IGFL4: variants seen among roughly 807,000 people sequenced by gnomAD.
The protein encoded by IGFL4 is insulin growth factor-like family member 4.
In IGFL4, 12 loss-of-function variants were observed where a neutral mutation model predicts 15.4. That is an observed-to-expected ratio of 0.78 (90% CI 0.50 to 1.26). The LOEUF is 1.26. IGFL4 is among the 50% of genes most tolerant of loss of function. The pLI, the probability that IGFL4 is intolerant of heterozygous loss-of-function variation, is 0.00. For synonymous variants in IGFL4, 54 were observed against 55.9 expected (o/e 0.97, Z 0.16); for missense variants, 126 against 147.8 (o/e 0.85, Z 0.76).
chr19:46,071,857 C>T (rs1395673720), intron 1 of IGFL4, among the ~76,000 whole-genome samples: 1 of 152,150 alleles, frequency 6.6e-6, no homozygotes, highest in African/African-American at 2.4e-5. Flanking sequence ...GAAACTCCAT[C>T]TCTACAAAAT....
Position 46,040,778 on chromosome 19 carries a change from A to C in IGFL4, c.19+166T>G, listed in dbSNP as rs374436322. 2.7e-5 allele frequency: 25 copies of C among 936,438 alleles called. 1 individual carries two copies. The highest frequency in any genetic ancestry group is 1.8e-4 in the African/African-American group (11 of 60,160). 58.0% of individuals were successfully genotyped at this position (936,438 alleles called of 1,614,324 possible). On this transcript the variant is annotated intron_variant, in intron 1 of 3. Coordinates refer to ENST00000377697, the MANE Select transcript of IGFL4 (RefSeq NM_001002923.3). The surrounding 1 kb of genome is among the most constrained non-coding windows in gnomAD (Gnocchi z 4.1). ...GAAAAGTTAAGCTTCTGGAATTTGC[A>C]GTTCAGGAGACAGATTACAATGCAG...
At chr19:46,048,071 T>G (rs1218115183) in intron 2 of IGFL4, among the ~76,000 whole-genome samples, 2 of 152,194 alleles carry the variant, frequency 1.3e-5, no homozygotes, top group East Asian at 1.9e-4. Flanking sequence ...TTATCCACCA[T>G]GACCACATTG....
At chr19:46,048,439 GAAAT>G (rs1345266722) in intron 2 of IGFL4, among the ~76,000 whole-genome samples, 1 of 152,084 alleles carries the variant, frequency 6.6e-6, no homozygotes, top group Admixed American at 6.6e-5. Flanking sequence ...GCTAGAGAAA[GAAAT>G]AAAGCGTATT....
chr19:46,068,617 G>A (rs1969516987), intron 1 of IGFL4, among the ~76,000 whole-genome samples: 1 of 152,158 alleles, frequency 6.6e-6, no homozygotes, highest in Non-Finnish European at 1.5e-5. Flanking sequence ...GGAGGGTGGT[G>A]CACACACAGA....
Position 46,040,300 on chromosome 19 carries a change from C to G in IGFL4, c.187G>C (p.Gly63Arg), listed in dbSNP as rs139381151. ...ILDLNQTRLC[G>R]SSCTFWPCFQ... is the part of the protein sequence containing the mutation. ...CAGGGCCAGAAGGTGCAGCTGGAGC[C>G]GCAGAGCCGGGTCTGGTTCAAGTCT... The change falls in exon 3 of 4, where the codon GGC (glycine) becomes CGC (arginine). Residue 63 changes from glycine (G) to arginine (R), a missense_variant. Transcript: ENST00000377697. This position sits in a 1 kb window ranked among gnomAD's most constrained non-coding sequence, Gnocchi z 4.1. 6.2e-7 allele frequency: 1 copy of G among 1,614,126 alleles called. No individual in the cohort carries two copies. Among genetic ancestry groups the G allele is most frequent in the Non-Finnish European group, 8.5e-7 (1 of 1,180,016 alleles).
intron 1 of IGFL4, among the ~76,000 whole-genome samples, chr19:46,076,017 G>C (rs1023759242): frequency 1.3e-5 from 2 of 152,268 alleles, no homozygotes; most frequent in Admixed American, 1.3e-4. Context: ...CCGGAAGTTT[G>C]AAAGTCCAAA....
chr19:46,040,568 G>A lies in IGFL4; in HGVS notation c.20C>T (p.Ala7Val). 1 of 1,613,978 alleles carries A rather than the reference G, an allele frequency of 6.2e-7. No homozygotes were observed. The highest frequency in any genetic ancestry group is 8.5e-7 in the Non-Finnish European group (1 of 1,180,028). MVPRIS[A>V]AIFIFELLGS... is the part of the protein sequence containing the mutation. ...CAAAAGTTCAAAAATGAAGATGGCA[G>A]CTGAGAAGCAGAAGGAGAGCGAGAA... is the stretch of plus-strand genomic sequence containing the variant. The change falls in exon 2 of 4, where the codon GCT becomes GTT. Residue 7 changes from alanine to valine, a missense_variant and splice_region_variant. By Grantham distance (64) the Ala-to-Val change is moderately conservative. Coordinates refer to ENST00000377697, the MANE Select transcript of IGFL4 (RefSeq NM_001002923.3). The surrounding 1 kb of genome is among the most constrained non-coding windows in gnomAD (Gnocchi z 4.1).
upstream of IGFL4, among the ~76,000 whole-genome samples, chr19:46,041,345 C>T (rs1969241194): frequency 6.6e-6 from 1 of 152,194 alleles, no homozygotes; most frequent in African/African-American, 2.4e-5. Context: ...CAAACACCGG[C>T]TGTCTCTAGG....
chr19:46,043,823 A>G (rs1251425442), upstream of IGFL4, among the ~76,000 whole-genome samples: 1 of 152,196 alleles, frequency 6.6e-6, no homozygotes, highest in Non-Finnish European at 1.5e-5. Context: ...TAAACTATAC[A>G]TTTTCTAGAA....
chr19:46,040,121 C>T lies in IGFL4; in HGVS notation c.330+36G>A, dbSNP rs1449307343. 1 of 1,610,064 alleles carries T rather than the reference C, an allele frequency of 6.2e-7. No homozygotes were observed. The highest frequency in any genetic ancestry group is 1.7e-5 in the Admixed American group (1 of 59,956). On this transcript the variant is annotated intron_variant, in intron 3 of 3. Transcript: ENST00000377697. The surrounding 1 kb of genome is among the most constrained non-coding windows in gnomAD (Gnocchi z 4.1). ...ACAACCAAGCTCCATTCCCTACTCC[C>T]CCCTCCCACAGCCTGGACTGGAGTC...
chr19:46,046,843 A>G (rs1969301487), intron 2 of IGFL4, among the ~76,000 whole-genome samples: 1 of 152,198 alleles, frequency 6.6e-6, no homozygotes, highest in African/African-American at 2.4e-5. Context: ...ATATTAGATC[A>G]TCGAGACAGA....
At chr19:46,042,229 TATTTGCATAG>T (rs1969253694), upstream of IGFL4, among the ~76,000 whole-genome samples, 1 of 152,216 alleles carries the variant, frequency 6.6e-6, no homozygotes, top group Non-Finnish European at 1.5e-5. Context: ...TGCAGTTGCG[TATTTGCATAG>T]ATATGTCTGT....
intron 1 of IGFL4, among the ~76,000 whole-genome samples, chr19:46,066,006 G>T (rs1049797875): frequency 4.6e-5 from 7 of 152,258 alleles, no homozygotes; most frequent in Middle Eastern, 3.4e-3. Context: ...CATCAAAGTA[G>T]CCCCTGAGAG....
intron 1 of IGFL4, among the ~76,000 whole-genome samples, chr19:46,074,379 T>C (rs1472053923): frequency 1.3e-5 from 2 of 151,926 alleles, no homozygotes; most frequent in East Asian, 1.9e-4. Context: ...CTCCCATATA[T>C]GTATATGTAT....
Position 46,039,876 on chromosome 19 carries a change from G to C in IGFL4, c.*16C>G. On this transcript the variant is annotated 3_prime_UTR_variant, in exon 4 of 4. Coordinates refer to ENST00000377697, the MANE Select transcript of IGFL4 (RefSeq NM_001002923.3). ...AGATTCTAGAGTGATCTGTGACTCTGCTACCCCAGAACAGTCTAGATGAGG... is the reference window on the plus strand; with the variant it reads ...AGATTCTAGAGTGATCTGTGACTCTCCTACCCCAGAACAGTCTAGATGAGG... 1 of 1,597,196 alleles carries C rather than the reference G, an allele frequency of 6.3e-7. No homozygotes were observed. The highest frequency in any genetic ancestry group is 1.3e-5 in the African/African-American group (1 of 74,602).
intron 1 of IGFL4, among the ~76,000 whole-genome samples, chr19:46,076,786 T>C (rs1440710511): frequency 1.3e-5 from 2 of 151,896 alleles, no homozygotes; most frequent in Admixed American, 1.3e-4. Context: ...AAAACAAAAC[T>C]CTTGATTTAA....
chr19:46,061,765 TG>T (rs1193530661), intron 1 of IGFL4, among the ~76,000 whole-genome samples: 3 of 152,110 alleles, frequency 2.0e-5, no homozygotes, highest in Non-Finnish European at 4.4e-5. Flanking sequence ...TATGTCTGGG[TG>T]GGGGGAAAGG....
Position 46,040,198 on chromosome 19 carries a change from G to A in IGFL4, c.289C>T (p.Pro97Ser), listed in dbSNP as rs1186894392. Reference sequence around the variant, plus strand: ...GTGATAGGGGAGGACTTGCAATCTGGCTTCATGCCTGGGACCTTGAACCTC... The same window carrying A: ...GTGATAGGGGAGGACTTGCAATCTGACTTCATGCCTGGGACCTTGAACCTC... ...VVRFKVPGMKPDCKSSPITRI... is the reference protein window; with the variant it reads ...VVRFKVPGMKSDCKSSPITRI... The change falls in exon 3 of 4, where the codon CCA (proline) becomes TCA (serine). Residue 97 changes from proline to serine, a missense_variant. Transcript: ENST00000377697. The surrounding 1 kb of genome is among the most constrained non-coding windows in gnomAD (Gnocchi z 4.1). The A allele has an allele frequency of 6.2e-6, 10 of 1,614,004 alleles. No homozygotes were observed. The highest frequency in any genetic ancestry group is 8.5e-6 in the Non-Finnish European group (10 of 1,180,050).
chr19:46,065,781 T>G (rs1244599400), intron 1 of IGFL4, among the ~76,000 whole-genome samples: 1 of 152,252 alleles, frequency 6.6e-6, no homozygotes, highest in Non-Finnish European at 1.5e-5. Flanking sequence ...GGGGATTTTC[T>G]GTAGAATCTG....
Sources: allele counts gnomAD v4.1 joint callset (sites outside exome capture counted in the v4.1 genomes callset), GRCh38; gene constraint gnomAD v4.1.1; non-coding constraint Gnocchi (gnomAD v3.1); transcripts MANE v1.5; gene names NCBI Gene and HGNC (gene_info 2026-07-23, HGNC 2026-07-21).